The following CSRNP3 variants were observed in gnomAD, a reference collection of about 807,000 sequenced individuals.
CSRNP3 encodes cysteine/serine-rich nuclear protein 3.
A neutral mutation model predicts 48.0 loss-of-function variants in CSRNP3; 12 were observed. That is an observed-to-expected ratio of 0.25 (90% CI 0.16 to 0.41). The LOEUF (loss-of-function observed/expected upper bound fraction) is 0.41. Among genes scored for constraint, CSRNP3 ranks in the 10% least tolerant of loss-of-function variants. The pLI is 1.00. For synonymous variants in CSRNP3, 263 were observed against 269.7 expected, an observed-to-expected ratio of 0.98 and a Z score of 0.24; for missense variants, 580 against 724.4, an observed-to-expected ratio of 0.80 and a Z score of 2.29.
chr2:165,618,365 G>A (rs1444738950), intron 4 of CSRNP3, among the ~76,000 whole-genome samples: 1 of 152,154 alleles, frequency 6.6e-6, no homozygotes, highest in African/African-American at 2.4e-5. Flanking sequence ...TTCTCCCTTA[G>A]ACACTGTATT....
intron 4 of CSRNP3, among the ~76,000 whole-genome samples, chr2:165,615,835 T>C (rs1348415477): frequency 6.6e-6 from 1 of 151,254 alleles, no homozygotes; most frequent in Non-Finnish European, 1.5e-5. Flanking sequence ...CCTGGGTTCC[T>C]GAGAATATGG....
At chr2:165,542,837 G>A (rs917762511) in intron 3 of CSRNP3, among the ~76,000 whole-genome samples, 22 of 151,996 alleles carry the variant, frequency 1.4e-4, no homozygotes, top group African/African-American at 4.6e-4. Context: ...TTTTACATTG[G>A]AATAGACACG....
intron 4 of CSRNP3, among the ~76,000 whole-genome samples, chr2:165,624,472 G>A (rs1686395033): frequency 6.6e-6 from 1 of 152,098 alleles, no homozygotes; most frequent in Non-Finnish European, 1.5e-5. Context: ...CACTTTCGGG[G>A]ATTTAAATTA....
chr2:165,624,793 C>T (rs1389317368), intron 4 of CSRNP3, among the ~76,000 whole-genome samples: 1 of 152,170 alleles, frequency 6.6e-6, no homozygotes, highest in African/African-American at 2.4e-5. Context: ...TCTCAGCTGG[C>T]ATGCATGAGG....
At chr2:165,569,319 G>C in intron 3 of CSRNP3, among the ~76,000 whole-genome samples, 1 of 152,080 alleles carries the variant, frequency 6.6e-6, no homozygotes, top group East Asian at 1.9e-4. Context: ...GGAAACACAG[G>C]TGATGGTGTT....
At chr2:165,493,135 C>T (rs955689402) in intron 1 of CSRNP3, among the ~76,000 whole-genome samples, 1 of 151,554 alleles carries the variant, frequency 6.6e-6, no homozygotes, top group East Asian at 1.9e-4. Context: ...ATTTTAGCAT[C>T]AAAATCAAAG....
At chr2:165,536,887 A>G (rs549180218) in intron 3 of CSRNP3, among the ~76,000 whole-genome samples, 14 of 152,030 alleles carry the variant, frequency 9.2e-5, no homozygotes, top group Non-Finnish European at 1.5e-4. Flanking sequence ...ATGGATTAAC[A>G]TTAATTAATA....
At chr2:165,557,318 G>A (rs1170878099) in intron 3 of CSRNP3, among the ~76,000 whole-genome samples, 5 of 152,166 alleles carry the variant, frequency 3.3e-5, no homozygotes, top group Non-Finnish European at 5.9e-5. Context: ...AAACAACGGA[G>A]TTGAGTACTT....
At chr2:165,617,516 G>T (rs74795090) in intron 4 of CSRNP3, among the ~76,000 whole-genome samples, 1,850 of 152,296 alleles carry the variant, frequency 0.012, 39 homozygotes, top group African/African-American at 0.042. Context: ...GTGGTGCCAG[G>T]CAGGACAATC....
intron 3 of CSRNP3, among the ~76,000 whole-genome samples, chr2:165,532,914 T>G (rs143780154): frequency 0.17 from 26,363 of 151,846 alleles, 2,437 homozygotes; most frequent in Non-Finnish European, 0.19. Flanking sequence ...TATACACCAA[T>G]AACAGACAAA....
chr2:165,668,490 C>T (rs1292094470), intron 5 of CSRNP3, among the ~76,000 whole-genome samples: 1 of 151,322 alleles, frequency 6.6e-6, no homozygotes, highest in Non-Finnish European at 1.5e-5. Context: ...CAACCTCCAC[C>T]TCCTGGATTC....
intron 2 of CSRNP3, among the ~76,000 whole-genome samples, chr2:165,506,775 T>C (rs1394893187): frequency 6.6e-6 from 1 of 152,188 alleles, no homozygotes; most frequent in Non-Finnish European, 1.5e-5. Flanking sequence ...TTTTCTAAAC[T>C]GGAACCTGAC....
chr2:165,614,609 C>T (rs1686199502), intron 4 of CSRNP3, among the ~76,000 whole-genome samples: 1 of 152,080 alleles, frequency 6.6e-6, no homozygotes, highest in African/African-American at 2.4e-5. Flanking sequence ...CCTTCTATAT[C>T]TAATTTCTTG....
intron 3 of CSRNP3, among the ~76,000 whole-genome samples, chr2:165,527,592 A>G (rs922173606): frequency 6.6e-6 from 1 of 152,126 alleles, no homozygotes; most frequent in Admixed American, 6.5e-5. Flanking sequence ...ACACACATGC[A>G]TAAATTAAAT....
chr2:165,575,405 A>G, intron 3 of CSRNP3, among the ~76,000 whole-genome samples: 2 of 75,890 alleles, frequency 2.6e-5, no homozygotes, highest in East Asian at 6.4e-4. Flanking sequence ...CATTTGCATC[A>G]ACTGTGCATC....
intron 6 of CSRNP3, among the ~76,000 whole-genome samples, chr2:165,678,254 T>C (rs1183970583): frequency 6.6e-6 from 1 of 152,104 alleles, no homozygotes; most frequent in African/African-American, 2.4e-5. Flanking sequence ...ATATGTTAGA[T>C]TAATAGCATG....
intron 3 of CSRNP3, among the ~76,000 whole-genome samples, chr2:165,580,534 A>G (rs1168287600): frequency 6.6e-6 from 1 of 152,156 alleles, no homozygotes; most frequent in African/African-American, 2.4e-5. Flanking sequence ...TTTGTGCAGT[A>G]TCTTTGGCAG....
chr2:165,541,731 A>C (rs1684960193), intron 3 of CSRNP3, among the ~76,000 whole-genome samples: 1 of 152,096 alleles, frequency 6.6e-6, no homozygotes, highest in African/African-American at 2.4e-5. Flanking sequence ...CCACTGTTAG[A>C]ACCTGGTGTC....
chr2:165,583,819 A>G (rs1454690473), intron 3 of CSRNP3, among the ~76,000 whole-genome samples: 2 of 152,176 alleles, frequency 1.3e-5, no homozygotes, highest in African/African-American at 2.4e-5. Flanking sequence ...AAACAAACAC[A>G]AGCATGTACA....
Sources: allele counts gnomAD v4.1 joint callset (sites outside exome capture counted in the v4.1 genomes callset), GRCh38; gene constraint gnomAD v4.1.1; transcripts MANE v1.5; gene names NCBI Gene and HGNC (gene_info 2026-07-23, HGNC 2026-07-21).